The following RALGAPA2 variants were observed in gnomAD, a reference collection of about 807,000 sequenced individuals.
RALGAPA2 encodes the protein ral GTPase-activating protein subunit alpha-2.
In RALGAPA2, 139 loss-of-function variants were observed where a neutral mutation model predicts 230.4. The ratio of observed to expected loss-of-function variants is 0.60; its 90% CI spans 0.53 to 0.69. RALGAPA2 has a LOEUF of 0.69. Among genes scored for constraint, RALGAPA2 ranks in the 30% least tolerant of loss-of-function variants. RALGAPA2 has a pLI of 0.00. For missense variants in RALGAPA2, 2,163 were observed against 2,276.0 expected (o/e 0.95, Z 1.01); for synonymous variants, 847 against 837.8 (o/e 1.01, Z -0.19).
In RALGAPA2 at chr20:20,459,588, G is replaced by A. The variant is rs534098928; in HGVS notation, c.5495+13241C>T. ...CCTCTGGAATGGAATGGGGAGTGGC[G>A]ACCATACAGCCTCAAGAGCATGCTG... On this transcript the variant is annotated intron_variant, in intron 37 of 39. Coordinates refer to ENST00000202677, the MANE Select transcript of RALGAPA2 (RefSeq NM_020343.4). Among the ~76,000 whole-genome samples the A allele has an allele frequency of 1.2e-4, 18 of 151,992 alleles. 1 individual carries two copies. The highest frequency in any genetic ancestry group is 2.9e-4 in the African/African-American group (12 of 41,480).
chr20:20,669,724 C>G (rs1056263226), intron 3 of RALGAPA2, among the ~76,000 whole-genome samples: 1 of 152,206 alleles, frequency 6.6e-6, no homozygotes, highest in African/African-American at 2.4e-5. Flanking sequence ...TGGTGCTTCC[C>G]TGTTTGGCTC....
At chr20:20,706,985 A>G (rs555531363) in intron 1 of RALGAPA2, among the ~76,000 whole-genome samples, 6 of 152,312 alleles carry the variant, frequency 3.9e-5, no homozygotes, top group African/African-American at 1.4e-4. Flanking sequence ...CTATCATTTC[A>G]TTAAGGTCCA....
At chr20:20,702,549 A>T (rs1466941318) in intron 1 of RALGAPA2, among the ~76,000 whole-genome samples, 1 of 152,226 alleles carries the variant, frequency 6.6e-6, no homozygotes, top group Non-Finnish European at 1.5e-5. Context: ...GTGTGCAGGA[A>T]CAGGCAGCAT....
chr20:20,712,421 C>A lies in RALGAPA2; in HGVS notation c.60G>T (p.Pro20=). ...VKKSTQKVLD[P]KKDVLTRLKH... is the part of the protein sequence containing the mutation. ...TCAGGCGGGTCAGCACGTCCTTCTT[C>A]GGGTCCAGCACCTTCTGGGTGGACT... Residue 20 remains proline, a synonymous_variant, in exon 1 of 40, where the codon CCG becomes CCT. Transcript: ENST00000202677. This position sits in a 1 kb window ranked among gnomAD's most constrained non-coding sequence, Gnocchi z 5.5. 6.4e-7 allele frequency: 1 copy of A among 1,554,864 alleles called. No individual in the cohort carries two copies.
chr20:20,503,452 TGCTGCCATTGC>T lies in RALGAPA2; in HGVS notation c.5096_5106del (p.Arg1699HisfsTer29). On this transcript the variant is annotated frameshift_variant, in exon 35 of 40. Coordinates refer to ENST00000202677, the MANE Select transcript of RALGAPA2 (RefSeq NM_020343.4). LOFTEE classifies it high-confidence loss of function. ...GCATAGTAAGGGGCCGTCTGCCCGG[TGCTGCCATTGC>T]GCTGAAGGCCACCCATGAACCCACA... 6.2e-7 allele frequency: 1 copy of T among 1,607,890 alleles called. No individual in the cohort carries two copies. Among genetic ancestry groups the T allele is most frequent in the Non-Finnish European group, 8.5e-7 (1 of 1,177,358 alleles).
At chr20:20,655,446 A>G (rs1048970598) in intron 3 of RALGAPA2, among the ~76,000 whole-genome samples, 6 of 152,118 alleles carry the variant, frequency 3.9e-5, no homozygotes, top group Non-Finnish European at 8.8e-5. Flanking sequence ...AGGACACTTG[A>G]GCTGAGACTT....
intron 25 of RALGAPA2, 66 bp from the exon 26 acceptor site, chr20:20,535,869 C>A: frequency 6.7e-7 from 1 of 1,501,968 alleles, no homozygotes. Flanking sequence ...ATGTTCTGAC[C>A]ATGTTCCAGG....
At chr20:20,633,871 T>C (rs2066768464) in intron 9 of RALGAPA2, among the ~76,000 whole-genome samples, 2 of 152,212 alleles carry the variant, frequency 1.3e-5, no homozygotes, top group African/African-American at 4.8e-5. Flanking sequence ...TAGCCAACTA[T>C]TCCAATACCA....
chr20:20,480,745 A>G (rs1330180934), intron 36 of RALGAPA2, among the ~76,000 whole-genome samples: 3 of 152,160 alleles, frequency 2.0e-5, no homozygotes, highest in Admixed American at 1.3e-4. Flanking sequence ...CCCATGCTCA[A>G]TGGTAAATTT....
intron 10 of RALGAPA2, among the ~76,000 whole-genome samples, chr20:20,622,590 G>T (rs2066357297): frequency 2.0e-5 from 3 of 152,142 alleles, no homozygotes; most frequent in Non-Finnish European, 4.4e-5. Context: ...TTTAGAATTT[G>T]ACACCCAGAA....
intron 16 of RALGAPA2, among the ~76,000 whole-genome samples, chr20:20,592,186 T>C (rs1010273162): frequency 2.6e-5 from 4 of 152,150 alleles, no homozygotes; most frequent in African/African-American, 9.7e-5. Context: ...ATTTATCCTC[T>C]CCATGGTCCA....
At chr20:20,504,396 A>G (rs2123697151) in intron 34 of RALGAPA2, among the ~76,000 whole-genome samples, 1 of 152,316 alleles carries the variant, frequency 6.6e-6, no homozygotes, top group East Asian at 1.9e-4. Flanking sequence ...CTGAGCTCTC[A>G]AAGGCACCCA....
intron 23 of RALGAPA2, among the ~76,000 whole-genome samples, chr20:20,548,466 A>G (rs763375385): frequency 1.3e-5 from 2 of 152,180 alleles, no homozygotes; most frequent in Non-Finnish European, 2.9e-5. Flanking sequence ...CATATGGTAA[A>G]TAGTTTAGCA....
At chr20:20,660,619 C>T (rs2067743711) in intron 3 of RALGAPA2, among the ~76,000 whole-genome samples, 2 of 152,056 alleles carry the variant, frequency 1.3e-5, no homozygotes. Flanking sequence ...CATCTAACCT[C>T]ATGAAGTTTG....
At chr20:20,423,634 T>C (rs1414149876) in intron 37 of RALGAPA2, among the ~76,000 whole-genome samples, 2 of 152,210 alleles carry the variant, frequency 1.3e-5, no homozygotes, top group African/African-American at 4.8e-5. Flanking sequence ...CAGATGCCAG[T>C]TACATCCTAA....
intron 8 of RALGAPA2, among the ~76,000 whole-genome samples, chr20:20,636,078 T>G (rs2066847881): frequency 6.6e-6 from 1 of 152,230 alleles, no homozygotes; most frequent in South Asian, 2.1e-4. Flanking sequence ...TTATATCCTT[T>G]TCCCTTTAGA....
At chr20:20,653,195 CAAAAAAAAA>C (rs60906434) in intron 4 of RALGAPA2, among the ~76,000 whole-genome samples, 14 of 27,510 alleles carry the variant, frequency 5.1e-4, no homozygotes, top group East Asian at 1.3e-3. Flanking sequence ...GACTCCATCT[CAAAAAAAAA>C]AAAAAAAAAA....
chr20:20,561,679 AT>A (rs2145842041), intron 23 of RALGAPA2, among the ~76,000 whole-genome samples: 1 of 152,296 alleles, frequency 6.6e-6, no homozygotes, highest in Admixed American at 6.5e-5. Flanking sequence ...TTTTGTATGC[AT>A]TTATTCCCTT....
intron 1 of RALGAPA2, among the ~76,000 whole-genome samples, chr20:20,711,413 G>GT (rs2069859667): frequency 1.3e-5 from 2 of 152,220 alleles, no homozygotes; most frequent in Admixed American, 1.3e-4. Flanking sequence ...AAATACACAG[G>GT]TAAGTGTGTC....
Sources: gnomAD v4.1 joint callset for allele counts (sites outside exome capture counted in the v4.1 genomes callset) on GRCh38, gnomAD v4.1.1 for gene constraint, Gnocchi (gnomAD v3.1) non-coding constraint, MANE v1.5 for transcripts, NCBI Gene and HGNC (gene_info 2026-07-23, HGNC 2026-07-21) for gene names.